The following NCAM1 variants were observed in gnomAD, a reference collection of about 807,000 sequenced individuals.
NCAM1 encodes the protein neural cell adhesion molecule 1, also known as antigen recognized by monoclonal antibody 5.1H11.
In NCAM1, 14 loss-of-function variants were observed where a neutral mutation model predicts 109.8. That is an observed-to-expected ratio of 0.13 (90% CI 0.08 to 0.20). NCAM1 has a LOEUF of 0.20. NCAM1 is among the 10% of genes least tolerant of loss of function. The probability of loss-of-function intolerance (pLI) is 1.00; values close to 1 mark genes in which losing one functional copy is unlikely to be tolerated. For synonymous variants in NCAM1, 418 were observed against 442.9 expected (o/e 0.94, Z 0.70); for missense variants, 774 against 1,109.9 (o/e 0.70, Z 4.30).
intron 17 of NCAM1, chr11:113,264,582 C>G (rs556109773): frequency 1.0e-6 from 1 of 985,514 alleles, no homozygotes; most frequent in East Asian, 1.1e-4. Flanking sequence ...CTTAGGATCA[C>G]CTTGGGCAGA....
intron 1 of NCAM1, among the ~76,000 whole-genome samples, chr11:113,143,113 A>G (rs1421002724): frequency 1.3e-5 from 2 of 152,206 alleles, no homozygotes; most frequent in Non-Finnish European, 2.9e-5. Flanking sequence ...TTCATACATA[A>G]GAAAATTAAC....
At chr11:113,089,658 T>C (rs1555089001) in intron 1 of NCAM1, among the ~76,000 whole-genome samples, 1 of 152,136 alleles carries the variant, frequency 6.6e-6, no homozygotes, top group African/African-American at 2.4e-5. Flanking sequence ...GGATGCAGAA[T>C]AAATGTATTG....
intron 1 of NCAM1, among the ~76,000 whole-genome samples, chr11:113,057,688 G>A (rs1402825451): frequency 2.6e-5 from 4 of 152,188 alleles, no homozygotes; most frequent in African/African-American, 9.7e-5. Context: ...GCAGAAAGAA[G>A]TCATAGATAA....
chr11:113,110,020 A>T (rs11214497), intron 1 of NCAM1, among the ~76,000 whole-genome samples: 10,915 of 152,204 alleles, frequency 0.072, 752 homozygotes, highest in Admixed American at 0.17. Context: ...ATTAACTGTA[A>T]TTCATATGTG....
intron 1 of NCAM1, among the ~76,000 whole-genome samples, chr11:113,159,783 G>A (rs1555104042): frequency 6.6e-6 from 1 of 151,548 alleles, no homozygotes; most frequent in Non-Finnish European, 1.5e-5. Flanking sequence ...GTATACGTGT[G>A]CCATGTTGGT....
chr11:113,080,655 A>G (rs955555343), intron 1 of NCAM1, among the ~76,000 whole-genome samples: 6 of 152,224 alleles, frequency 3.9e-5, no homozygotes, highest in Admixed American at 2.0e-4. Flanking sequence ...TCTGGATTAT[A>G]GAACAGTATT....
At chr11:113,068,027 C>T (rs893217987) in intron 1 of NCAM1, among the ~76,000 whole-genome samples, 4 of 151,736 alleles carry the variant, frequency 2.6e-5, no homozygotes, top group Admixed American at 6.6e-5. Flanking sequence ...TCTCCTGCCT[C>T]AGCCTCCCGA....
chr11:113,244,187 A>G (rs545110279), intron 14 of NCAM1, among the ~76,000 whole-genome samples: 19 of 152,268 alleles, frequency 1.2e-4, no homozygotes, highest in African/African-American at 4.1e-4. Context: ...AAAGCTACAT[A>G]ATGTATTTGT....
At chr11:113,000,917 A>G (rs1194758767) in intron 1 of NCAM1, among the ~76,000 whole-genome samples, 1 of 151,252 alleles carries the variant, frequency 6.6e-6, no homozygotes, top group Non-Finnish European at 1.5e-5. Flanking sequence ...ATGTGTATGT[A>G]TATAGCCATG....
chr11:113,168,235 C>T (rs1467351389), intron 1 of NCAM1, among the ~76,000 whole-genome samples: 2 of 152,152 alleles, frequency 1.3e-5, no homozygotes, highest in Non-Finnish European at 2.9e-5. Flanking sequence ...ATTCTGAGAA[C>T]TAAAATCTTG....
At chr11:113,241,325 T>C (rs1945319050) in intron 14 of NCAM1, among the ~76,000 whole-genome samples, 1 of 152,254 alleles carries the variant, frequency 6.6e-6, no homozygotes, top group Non-Finnish European at 1.5e-5. Context: ...CATACTTTTC[T>C]TGTAAATATT....
At chr11:113,179,698 C>T (rs1293373224) in intron 1 of NCAM1, among the ~76,000 whole-genome samples, 1 of 152,314 alleles carries the variant, frequency 6.6e-6, no homozygotes, top group East Asian at 1.9e-4. Flanking sequence ...AAAGTATAGA[C>T]AATCACCAAA....
chr11:113,240,358 A>G (rs774860496), intron 14 of NCAM1: 19 of 174,138 alleles, frequency 1.1e-4, no homozygotes, highest in Non-Finnish European at 1.6e-4. Context: ...ATATACCTAT[A>G]TAGAAACACA....
intron 1 of NCAM1, among the ~76,000 whole-genome samples, chr11:113,013,092 T>C (rs1952112592): frequency 6.6e-6 from 1 of 152,046 alleles, no homozygotes. Context: ...TTGGAAATTA[T>C]CTAGAGGTTT....
intron 13 of NCAM1, 114 bp from the exon 14 acceptor site, chr11:113,234,919 G>C: frequency 7.5e-7 from 1 of 1,337,198 alleles, no homozygotes; most frequent in Non-Finnish European, 1.0e-6. Flanking sequence ...TAGAATTGCT[G>C]GACCAAATGA....
intron 15 of NCAM1, among the ~76,000 whole-genome samples, chr11:113,255,148 G>A (rs1945800842): frequency 6.6e-6 from 1 of 152,112 alleles, no homozygotes; most frequent in Non-Finnish European, 1.5e-5. Flanking sequence ...TGCACTGATT[G>A]TTACTTTAAC....
chr11:113,025,708 AC>A (rs1952518084), intron 1 of NCAM1, among the ~76,000 whole-genome samples: 1 of 134,360 alleles, frequency 7.4e-6, no homozygotes, highest in South Asian at 2.8e-4. Context: ...ATAGAGTGAG[AC>A]CACATCTCAC....
chr11:113,171,860 T>G (rs1440107633), intron 1 of NCAM1, among the ~76,000 whole-genome samples: 1 of 152,154 alleles, frequency 6.6e-6, no homozygotes, highest in Non-Finnish European at 1.5e-5. Context: ...ACAGGGTCAT[T>G]GCTGATATAA....
chr11:113,043,129 T>C (rs1340278279), intron 1 of NCAM1, among the ~76,000 whole-genome samples: 1 of 150,854 alleles, frequency 6.6e-6, no homozygotes, highest in Non-Finnish European at 1.5e-5. Flanking sequence ...ATGGGGGCCA[T>C]AGGAGATGAG....
Sources: gnomAD v4.1 joint callset for allele counts (sites outside exome capture counted in the v4.1 genomes callset) on GRCh38, gnomAD v4.1.1 for gene constraint, MANE v1.5 for transcripts, NCBI Gene and HGNC (gene_info 2026-07-23, HGNC 2026-07-21) for gene names.